OXR1: variants seen among roughly 807,000 people sequenced by gnomAD.
OXR1 encodes oxidation resistance protein 1.
A neutral mutation model predicts 104.6 loss-of-function variants in OXR1; 41 were observed. The ratio of observed to expected loss-of-function variants is 0.39; its 90% CI spans 0.31 to 0.51. OXR1 has a LOEUF of 0.51. Among genes scored for constraint, OXR1 ranks in the 20% least tolerant of loss-of-function variants. The pLI is 0.77. For synonymous variants in OXR1, 348 were observed against 348.4 expected (o/e 1.00, Z 0.01); for missense variants, 955 against 1,031.9 (o/e 0.93, Z 1.02).
intron 11 of OXR1, among the ~76,000 whole-genome samples, chr8:106,736,611 A>G (rs530639043): frequency 6.6e-6 from 1 of 152,326 alleles, no homozygotes; most frequent in African/African-American, 2.4e-5. Flanking sequence ...GAATTATGTC[A>G]TGATCTGAAA....
At chr8:106,733,483 A>G (rs1489382406) in intron 11 of OXR1, among the ~76,000 whole-genome samples, 2 of 152,046 alleles carry the variant, frequency 1.3e-5, no homozygotes, top group Non-Finnish European at 2.9e-5. Flanking sequence ...TTTCTGCTCT[A>G]ATTTTATTTT....
At chr8:106,623,322 T>TA (rs1159084786) in intron 3 of OXR1, among the ~76,000 whole-genome samples, 16 of 152,104 alleles carry the variant, frequency 1.1e-4, no homozygotes, top group African/African-American at 3.6e-4. Flanking sequence ...GTATATTTTT[T>TA]AAAAGCAACC....
intron 3 of OXR1, among the ~76,000 whole-genome samples, chr8:106,599,947 T>TTA (rs1363943165): frequency 2.0e-5 from 3 of 152,116 alleles, no homozygotes; most frequent in Admixed American, 2.0e-4. Flanking sequence ...CATGTGCAGT[T>TTA]TATATAGGGT....
chr8:106,284,612 T>A (rs972449357), intron 1 of OXR1, among the ~76,000 whole-genome samples: 24 of 152,204 alleles, frequency 1.6e-4, no homozygotes, highest in African/African-American at 5.8e-4. Context: ...TATACCATAA[T>A]ACATATACAA....
At chr8:106,528,241 T>C (rs531663169) in intron 3 of OXR1, among the ~76,000 whole-genome samples, 14 of 152,324 alleles carry the variant, frequency 9.2e-5, no homozygotes, top group Admixed American at 9.2e-4. Flanking sequence ...GTTTAGGATA[T>C]TTGTTTAAGT....
In OXR1 at chr8:106,601,400, C is replaced by T. The variant is rs112480977; in HGVS notation, c.221-77810C>T. 6.0e-3 allele frequency among the ~76,000 whole-genome samples: 912 copies of T among 152,248 alleles called. 14 individuals are homozygous for T. The highest frequency in any genetic ancestry group is 0.02 in the African/African-American group (850 of 41,548). ...GAAGCTGGAAAGCCCAAGACTGAGG[C>T]GCAAGCAGATCTGGGTCTGGTGAAG... is the stretch of plus-strand genomic sequence containing the variant. On this transcript the variant is annotated intron_variant, in intron 3 of 16. Coordinates refer to ENST00000517566, the MANE Select transcript of OXR1 (RefSeq NM_001198533.2).
intron 2 of OXR1, among the ~76,000 whole-genome samples, chr8:106,375,671 C>G (rs1816879735): frequency 6.6e-6 from 1 of 152,172 alleles, no homozygotes; most frequent in South Asian, 2.1e-4. Flanking sequence ...GCTTTGCAAT[C>G]ACAAATGGCT....
At chr8:106,707,334 G>A in intron 9 of OXR1, 189 bp downstream of exon 9, 1 of 671,960 alleles carries the variant, frequency 1.5e-6, no homozygotes. Flanking sequence ...TCCCACAGGT[G>A]GATTGTACAC....
chr8:106,419,758 C>T (rs1236792842), intron 2 of OXR1, among the ~76,000 whole-genome samples: 1 of 152,090 alleles, frequency 6.6e-6, no homozygotes, highest in Non-Finnish European at 1.5e-5. Context: ...CTTTGCCAGT[C>T]CCTCTGCAGT....
chr8:106,546,273 C>A (rs989686882), intron 3 of OXR1, among the ~76,000 whole-genome samples: 1 of 152,150 alleles, frequency 6.6e-6, no homozygotes, highest in Non-Finnish European at 1.5e-5. Context: ...TAGCTTTCAT[C>A]GTGAATGTCC....
intron 6 of OXR1, 73 bp downstream of exon 6, chr8:106,684,432 A>G: frequency 1.3e-6 from 1 of 759,646 alleles, no homozygotes; most frequent in Non-Finnish European, 2.3e-6. Context: ...CTTGTTTTTT[A>G]CATTCCATTT....
chr8:106,457,711 A>G (rs929428996), intron 2 of OXR1, among the ~76,000 whole-genome samples: 2 of 152,214 alleles, frequency 1.3e-5, no homozygotes. Context: ...GTTGGTAGAA[A>G]TATAGACAGT....
intron 2 of OXR1, among the ~76,000 whole-genome samples, chr8:106,513,841 T>C (rs1031396318): frequency 2.0e-5 from 3 of 152,176 alleles, no homozygotes; most frequent in Non-Finnish European, 4.4e-5. Flanking sequence ...TTTCTGGGTA[T>C]ATTTTATACC....
chr8:106,473,634 A>G (rs1023206714), intron 2 of OXR1, among the ~76,000 whole-genome samples: 3 of 151,870 alleles, frequency 2.0e-5, no homozygotes, highest in Non-Finnish European at 2.9e-5. Context: ...TCTCAAATCT[A>G]TAGGATGAAA....
At chr8:106,501,967 G>C (rs972467513) in intron 2 of OXR1, among the ~76,000 whole-genome samples, 2 of 152,156 alleles carry the variant, frequency 1.3e-5, no homozygotes, top group African/African-American at 4.8e-5. Context: ...GTACTTTGGG[G>C]TTAAGCTTTG....
chr8:106,751,315 G>A lies in OXR1; in HGVS notation c.*374G>A, dbSNP rs1191893484. ...TTTAACTATATTGATTCGTTTACTA[G>A]AACAGTCTAATTGGGGCATTGAGGA... On this transcript the variant is annotated 3_prime_UTR_variant, in exon 17 of 17. Transcript: ENST00000517566. The A allele has an allele frequency of 6.4e-6, 1 of 155,624 alleles. No individual in the cohort carries two copies. The highest frequency in any genetic ancestry group is 1.9e-4 in the East Asian group (1 of 5,310). 9.6% of individuals were successfully genotyped at this position (155,624 alleles called of 1,614,324 possible).
At chr8:106,327,226 T>C (rs1814505271) in intron 1 of OXR1, among the ~76,000 whole-genome samples, 1 of 152,190 alleles carries the variant, frequency 6.6e-6, no homozygotes, top group African/African-American at 2.4e-5. Flanking sequence ...ATGAACTACT[T>C]TGTGGAGATT....
At chr8:106,538,405 G>C (rs1403103727) in intron 3 of OXR1, among the ~76,000 whole-genome samples, 1 of 152,042 alleles carries the variant, frequency 6.6e-6, no homozygotes, top group Non-Finnish European at 1.5e-5. Flanking sequence ...AATAACATTT[G>C]TTTATGAAAA....
intron 2 of OXR1, among the ~76,000 whole-genome samples, chr8:106,364,660 A>T (rs1816391182): frequency 6.6e-6 from 1 of 152,328 alleles, no homozygotes; most frequent in Admixed American, 6.5e-5. Context: ...ATGCAAAATT[A>T]GAAATGCAGA....
Sources: allele counts gnomAD v4.1 joint callset (sites outside exome capture counted in the v4.1 genomes callset), GRCh38; gene constraint gnomAD v4.1.1; transcripts MANE v1.5; gene names NCBI Gene and HGNC (gene_info 2026-07-23, HGNC 2026-07-21).